GALNT2: variants seen among roughly 807,000 people sequenced by gnomAD.
The protein encoded by GALNT2 is UDP-GalNAc:polypeptide N-acetylgalactosaminyltransferase 2.
A neutral mutation model predicts 81.4 loss-of-function variants in GALNT2; 31 were observed. The observed-to-expected ratio is 0.38, with a 90% CI of 0.29 to 0.51. GALNT2 has a LOEUF of 0.51. GALNT2 is among the 20% of genes least tolerant of loss of function. GALNT2 has a pLI of 0.87. For missense variants in GALNT2, 629 were observed against 765.7 expected, an observed-to-expected ratio of 0.82 and a Z score of 2.11; for synonymous variants, 303 against 287.4, an observed-to-expected ratio of 1.05 and a Z score of -0.55.
intron 3 of GALNT2, among the ~76,000 whole-genome samples, chr1:230,229,705 A>G (rs1218956402): frequency 3.3e-5 from 5 of 152,232 alleles, no homozygotes; most frequent in Non-Finnish European, 7.3e-5. Flanking sequence ...CCTACAATGG[A>G]AAGCAGTGTA....
chr1:230,230,863 C>T (rs1664846118), intron 3 of GALNT2, among the ~76,000 whole-genome samples: 1 of 152,122 alleles, frequency 6.6e-6, no homozygotes, highest in Non-Finnish European at 1.5e-5. Context: ...TCCCATGACC[C>T]TCTGTTTGGT....
At chr1:230,208,587 A>G (rs1344911709) in intron 3 of GALNT2, among the ~76,000 whole-genome samples, 1 of 152,224 alleles carries the variant, frequency 6.6e-6, no homozygotes, top group Non-Finnish European at 1.5e-5. Context: ...GCCCAAGGGA[A>G]TGGATGCAGA....
upstream of GALNT2, chr1:230,067,188 C>T: frequency 2.7e-6 from 2 of 745,080 alleles, no homozygotes; most frequent in African/African-American, 1.9e-5. Flanking sequence ...CCTTCCCCTT[C>T]CTCCGCTCCT....
At chr1:230,178,341 C>A in intron 2 of GALNT2, 30 bp downstream of exon 2, 1 of 1,555,550 alleles carries the variant, frequency 6.4e-7, no homozygotes, top group Non-Finnish European at 8.9e-7. Context: ...AGCCATCTTG[C>A]TTTGAGCACG....
chr1:230,103,923 C>T lies in GALNT2; in HGVS notation c.126+36517C>T, dbSNP rs554940384. Among the ~76,000 whole-genome samples, 11 of 152,310 alleles carry T rather than the reference C, an allele frequency of 7.2e-5. No homozygotes were observed. The South Asian group carries it at 2.3e-3, about 32-fold the overall frequency. ...CCTGACCTTCCACTGATTTTGGTAG[C>T]AGCATCTCCCAGAGCGACTGTTTCC... On this transcript the variant is annotated intron_variant, in intron 1 of 15. Coordinates refer to ENST00000366672, the MANE Select transcript of GALNT2 (RefSeq NM_004481.5).
intron 2 of GALNT2, among the ~76,000 whole-genome samples, chr1:230,192,665 G>A (rs963042512): frequency 6.6e-6 from 1 of 152,204 alleles, no homozygotes; most frequent in African/African-American, 2.4e-5. Context: ...ATACTGTTTT[G>A]TGGTATATTT....
At chr1:230,060,972 C>T (rs187937699) in intron 1 of GALNT2, among the ~76,000 whole-genome samples, 26 of 152,154 alleles carry the variant, frequency 1.7e-4, no homozygotes, top group Admixed American at 1.4e-3. Flanking sequence ...TCTAGTACAA[C>T]AAGATGCTCC....
At chr1:230,065,363 T>C (rs758702444), upstream of GALNT2, among the ~76,000 whole-genome samples, 6 of 152,222 alleles carry the variant, frequency 3.9e-5, no homozygotes, top group Admixed American at 3.9e-4. Flanking sequence ...TCAACCCTTG[T>C]TGCATTTCTT....
intron 1 of GALNT2, among the ~76,000 whole-genome samples, chr1:230,145,196 C>T (rs914657331): frequency 6.6e-6 from 1 of 152,184 alleles, no homozygotes; most frequent in Non-Finnish European, 1.5e-5. Context: ...CTCCCCAACC[C>T]CATTCTCAGA....
intron 1 of GALNT2, among the ~76,000 whole-genome samples, chr1:230,104,586 G>A (rs1255608069): frequency 1.3e-5 from 2 of 152,180 alleles, no homozygotes; most frequent in African/African-American, 2.4e-5. Context: ...CGTGATGGCC[G>A]CCCACCCTGG....
intron 1 of GALNT2, among the ~76,000 whole-genome samples, chr1:230,143,948 A>G (rs1173477120): frequency 6.6e-6 from 1 of 152,258 alleles, no homozygotes; most frequent in East Asian, 1.9e-4. Flanking sequence ...TTTAAATTCT[A>G]ATCACTTTCA....
At chr1:230,107,692 C>T (rs899918886) in intron 1 of GALNT2, among the ~76,000 whole-genome samples, 2 of 149,268 alleles carry the variant, frequency 1.3e-5, no homozygotes, top group Non-Finnish European at 3.0e-5. Flanking sequence ...AGAACTATTT[C>T]CTGTGACTAA....
chr1:230,271,438 G>A lies in GALNT2; in HGVS notation c.1441-3007G>A, dbSNP rs1666158825. 6.6e-6 allele frequency among the ~76,000 whole-genome samples: 1 copy of A among 152,162 alleles called. No individual in the cohort carries two copies. Among genetic ancestry groups the A allele is most frequent in the South Asian group, 2.1e-4 (1 of 4,828 alleles). ...AATTCTCCAATTCTCTGCGGACACT[G>A]AGTGTCATGCCTGTCAACTCAGTTC... On this transcript the variant is annotated intron_variant, in intron 14 of 15. Transcript: ENST00000366672. The surrounding 1 kb of genome is among the most constrained non-coding windows in gnomAD (Gnocchi z 4.2).
intron 1 of GALNT2, among the ~76,000 whole-genome samples, chr1:230,175,367 A>T (rs985503508): frequency 2.0e-5 from 3 of 152,160 alleles, no homozygotes; most frequent in African/African-American, 7.2e-5. Context: ...CAGGGTGTGG[A>T]TCCAGCCTCA....
upstream of GALNT2, among the ~76,000 whole-genome samples, chr1:230,063,370 T>C (rs1041578564): frequency 1.2e-4 from 18 of 152,156 alleles, no homozygotes; most frequent in African/African-American, 4.3e-4. Context: ...GGTATCTCAC[T>C]GTGGGTTTTT....
rs542760804 is a variant in GALNT2, at chr1:230,272,195, G to T, written c.1441-2250G>T. 9.8e-5 allele frequency among the ~76,000 whole-genome samples: 15 copies of T among 152,286 alleles called. No individual in the cohort carries two copies. In the East Asian group the frequency reaches 2.1e-3, roughly 22 times the overall value. ...CACTGTCCTAGAGTATGGGTGACGT[G>T]AGTGCCTGTGGGTGCTTGGAAGAGC... On this transcript the variant is annotated intron_variant, in intron 14 of 15. Coordinates refer to ENST00000366672, the MANE Select transcript of GALNT2 (RefSeq NM_004481.5).
chr1:230,256,604 T>C lies in GALNT2; in HGVS notation c.1136+1260T>C, dbSNP rs116219822. 4.2e-3 allele frequency among the ~76,000 whole-genome samples: 644 copies of C among 152,300 alleles called. 8 individuals are homozygous for C. The highest frequency in any genetic ancestry group is 0.015 in the African/African-American group (615 of 41,560). On this transcript the variant is annotated intron_variant, in intron 11 of 15. Coordinates refer to ENST00000366672, the MANE Select transcript of GALNT2 (RefSeq NM_004481.5). ...AAGACATCGTGACACAGAGTCACGA[T>C]TCTTGATGGAGAGTAGATATATTTT... is the stretch of plus-strand genomic sequence containing the variant.
chr1:230,245,218 C>T (rs1285171550), intron 7 of GALNT2, among the ~76,000 whole-genome samples: 4 of 152,016 alleles, frequency 2.6e-5, no homozygotes, highest in South Asian at 2.1e-4. Context: ...AATCCCAGCA[C>T]TTTGGGAGGC....
intron 1 of GALNT2, among the ~76,000 whole-genome samples, chr1:230,107,646 T>TGTGTGTG (rs1356238842): frequency 5.8e-4 from 53 of 91,360 alleles, no homozygotes; most frequent in African/African-American, 2.1e-3. Flanking sequence ...GTGTGTGTGG[T>TGTGTGTG]TGGTTGGTTG....
Sources: gnomAD v4.1 joint callset for allele counts (sites outside exome capture counted in the v4.1 genomes callset) on GRCh38, gnomAD v4.1.1 for gene constraint, Gnocchi (gnomAD v3.1) non-coding constraint, MANE v1.5 for transcripts, NCBI Gene and HGNC (gene_info 2026-07-23, HGNC 2026-07-21) for gene names.